EPB41L4A: variants seen among roughly 807,000 people sequenced by gnomAD.
EPB41L4A encodes the protein erythrocyte membrane protein band 4.1 like 4A.
EPB41L4A carries 100 observed loss-of-function variants against 108.6 expected under a neutral mutation model. The ratio of observed to expected loss-of-function variants is 0.92; its 90% CI spans 0.78 to 1.09. The LOEUF (loss-of-function observed/expected upper bound fraction) is 1.09, where lower values mean the gene tolerates loss of function less well. Among genes scored for constraint, EPB41L4A ranks in the 50% least tolerant of loss-of-function variants. The probability of loss-of-function intolerance (pLI) is 0.00; values close to 1 mark genes in which losing one functional copy is unlikely to be tolerated. For synonymous variants in EPB41L4A, 319 were observed against 289.0 expected (o/e 1.10, Z -1.05); for missense variants, 1,030 against 842.7 (o/e 1.22, Z -2.75).
intron 22 of EPB41L4A, among the ~76,000 whole-genome samples, chr5:112,166,201 G>A (rs933874866): frequency 1.7e-4 from 26 of 152,212 alleles, no homozygotes; most frequent in African/African-American, 5.8e-4. Context: ...TGAGGTGTAA[G>A]GCAGGTCACT....
chr5:112,185,497 T>C (rs1003650865), intron 17 of EPB41L4A, among the ~76,000 whole-genome samples: 15 of 152,220 alleles, frequency 9.9e-5, no homozygotes, highest in Non-Finnish European at 2.9e-5. Flanking sequence ...AGAAACTGTT[T>C]AAATCTCTCT....
chr5:112,237,540 C>T (rs968942628), intron 11 of EPB41L4A, among the ~76,000 whole-genome samples: 46 of 152,250 alleles, frequency 3.0e-4, no homozygotes, highest in African/African-American at 1.1e-3. Flanking sequence ...CAGATACCTG[C>T]ATTCATACAC....
intron 8 of EPB41L4A, 135 bp from the exon 9 acceptor site, chr5:112,259,427 G>T: frequency 2.9e-6 from 2 of 684,354 alleles, no homozygotes; most frequent in South Asian, 1.7e-5. Flanking sequence ...TACATACAGC[G>T]ACAGAGAGAT....
chr5:112,401,226 G>C (rs961792525), intron 1 of EPB41L4A, among the ~76,000 whole-genome samples: 11 of 152,198 alleles, frequency 7.2e-5, no homozygotes, highest in African/African-American at 2.2e-4. Flanking sequence ...GACTAGGTAA[G>C]CCACAGACAC....
chr5:112,204,752 T>C, intron 14 of EPB41L4A: 1 of 321,190 alleles, frequency 3.1e-6, no homozygotes. Context: ...CAAATAACAA[T>C]AACAATTCAT....
At chr5:112,330,556 A>C (rs1043526321) in intron 1 of EPB41L4A, among the ~76,000 whole-genome samples, 1 of 152,098 alleles carries the variant, frequency 6.6e-6, no homozygotes, top group Admixed American at 6.6e-5. Context: ...AGTTATTAAC[A>C]TTATCAGATT....
chr5:112,213,989 G>C (rs1747428848), intron 12 of EPB41L4A, among the ~76,000 whole-genome samples: 1 of 152,214 alleles, frequency 6.6e-6, no homozygotes, highest in Non-Finnish European at 1.5e-5. Flanking sequence ...AATCAATTCA[G>C]TAAAGCTAGG....
chr5:112,353,859 C>T (rs1017956147), intron 1 of EPB41L4A, among the ~76,000 whole-genome samples: 7 of 152,112 alleles, frequency 4.6e-5, no homozygotes, highest in Non-Finnish European at 8.8e-5. Context: ...CAAGGCAATC[C>T]CGAGGCCCCT....
intron 2 of EPB41L4A, among the ~76,000 whole-genome samples, chr5:112,281,400 G>A (rs538369826): frequency 2.0e-5 from 3 of 152,220 alleles, no homozygotes; most frequent in South Asian, 2.1e-4. Flanking sequence ...CCATCTGTGG[G>A]AAGAGCAGGG....
At position 112,314,505 on chromosome 5, in the gene EPB41L4A, T is replaced by TAAAA. The variant is rs552428109; in HGVS notation, c.100-7019_100-7016dup. Among the ~76,000 whole-genome samples, 96 of 55,174 alleles carry TAAAA rather than the reference T, an allele frequency of 1.7e-3. 1 individual carries two copies. The highest frequency in any genetic ancestry group is 0.019 in the Middle Eastern group (1 of 52). 36.2% of individuals were successfully genotyped at this position (55,174 alleles called of 152,430 possible). On this transcript the variant is annotated intron_variant, in intron 1 of 22. Coordinates refer to ENST00000261486, the MANE Select transcript of EPB41L4A (RefSeq NM_022140.5). ...CAACAATGTGAAACCCCATCGCTAC[T>TAAAA]AAAAAAAAAAAAAAAAAAAAAAAAA...
chr5:112,359,655 C>G (rs891876718), intron 1 of EPB41L4A, among the ~76,000 whole-genome samples: 3 of 152,096 alleles, frequency 2.0e-5, no homozygotes, highest in Non-Finnish European at 4.4e-5. Context: ...ATTCTCCTGC[C>G]TCAGCCTCCC....
chr5:112,415,580 A>T (rs1275763418), intron 1 of EPB41L4A, among the ~76,000 whole-genome samples: 1 of 152,186 alleles, frequency 6.6e-6, no homozygotes, highest in African/African-American at 2.4e-5. Flanking sequence ...AAAAACTAGA[A>T]AAGCAGTCTG....
intron 1 of EPB41L4A, among the ~76,000 whole-genome samples, chr5:112,325,301 C>T (rs552887839): frequency 2.0e-5 from 3 of 152,170 alleles, no homozygotes; most frequent in Non-Finnish European, 4.4e-5. Flanking sequence ...ATTAGCCGGG[C>T]GTAGTGGCAC....
chr5:112,323,942 C>A (rs1755977641), intron 1 of EPB41L4A, among the ~76,000 whole-genome samples: 1 of 152,204 alleles, frequency 6.6e-6, no homozygotes, highest in Non-Finnish European at 1.5e-5. Flanking sequence ...TGAGAGAAAA[C>A]TCCCAGCCAA....
At position 112,266,265 on chromosome 5, in the gene EPB41L4A, G is replaced by A. The variant is rs1467207750; in HGVS notation, c.401C>T (p.Thr134Ile). 1 of 1,611,240 alleles carries A rather than the reference G, an allele frequency of 6.2e-7. No individual in the cohort carries two copies. The highest frequency in any genetic ancestry group is 1.1e-5 in the South Asian group (1 of 90,052). ...LQGRLPCPVN[T>I]AAQLGAYAIQ... ...GGCATACGCTCCCAGCTGAGCAGCA[G>A]TGTTGACGGGACAGGGCAGACGGCC... The change falls in exon 5 of 23, where the codon ACT (threonine) becomes ATT (isoleucine). Residue 134 changes from threonine (T) to isoleucine (I), a missense_variant. Physicochemically the swap from Thr to Ile is moderately conservative, Grantham distance 89 (BLOSUM62 -1). Coordinates refer to ENST00000261486, the MANE Select transcript of EPB41L4A (RefSeq NM_022140.5).
intron 1 of EPB41L4A, among the ~76,000 whole-genome samples, chr5:112,408,550 C>G (rs554354352): frequency 6.6e-6 from 1 of 151,184 alleles, no homozygotes; most frequent in African/African-American, 2.4e-5. Context: ...GACACTTCTC[C>G]AAAAAAGATA....
At chr5:112,348,552 G>A (rs1296336457) in intron 1 of EPB41L4A, among the ~76,000 whole-genome samples, 1 of 152,156 alleles carries the variant, frequency 6.6e-6, no homozygotes, top group African/African-American at 2.4e-5. Context: ...CACACTGCAG[G>A]GGAAGGGGAA....
intron 4 of EPB41L4A, among the ~76,000 whole-genome samples, chr5:112,270,590 C>A (rs1752196461): frequency 6.6e-6 from 1 of 152,140 alleles, no homozygotes; most frequent in South Asian, 2.1e-4. Context: ...AGTAACATCA[C>A]CTTACATTTA....
chr5:112,148,616 T>C (rs1372661567), intron 12 of EPB41L4A, among the ~76,000 whole-genome samples: 2 of 152,200 alleles, frequency 1.3e-5, no homozygotes, highest in Non-Finnish European at 2.9e-5. Context: ...TACTTCATCA[T>C]TCATTGTAAC....
Sources: gnomAD v4.1 joint callset for allele counts (sites outside exome capture counted in the v4.1 genomes callset) on GRCh38, gnomAD v4.1.1 for gene constraint, MANE v1.5 for transcripts, NCBI Gene and HGNC (gene_info 2026-07-23, HGNC 2026-07-21) for gene names.